NSL1: variants seen among roughly 807,000 people sequenced by gnomAD.
NSL1 encodes NSL1 component of MIS12 kinetochore complex, also known as kinetochore-associated protein NSL1 homolog.
In NSL1, 11 loss-of-function variants were observed where a neutral mutation model predicts 25.4. The observed-to-expected ratio is 0.43, with a 90% CI of 0.27 to 0.72. The LOEUF is 0.72. Ranked by LOEUF, NSL1 falls within the 30% of genes least tolerant of loss-of-function variation. The probability of loss-of-function intolerance (pLI) is 0.19; values close to 1 mark genes in which losing one functional copy is unlikely to be tolerated. For synonymous variants in NSL1, 118 were observed against 120.6 expected, an observed-to-expected ratio of 0.98 and a Z score of 0.14; for missense variants, 330 against 342.7, an observed-to-expected ratio of 0.96 and a Z score of 0.29.
At chr1:212,738,807 G>T (rs1350798256) in intron 5 of NSL1, 121 bp from the exon 6 acceptor site, 1 of 752,190 alleles carries the variant, frequency 1.3e-6, no homozygotes, top group African/African-American at 1.8e-5. Flanking sequence ...TTGTTGCCCA[G>T]GCTGGAGGGC....
intron 4 of NSL1, 130 bp downstream of exon 4, chr1:212,782,242 A>G: frequency 1.4e-6 from 1 of 731,848 alleles, no homozygotes. Flanking sequence ...GCTAAACATG[A>G]ATGACTGGTA....
At chr1:212,757,352 T>TA (rs1659363398) in intron 4 of NSL1, among the ~76,000 whole-genome samples, 1 of 152,160 alleles carries the variant, frequency 6.6e-6, no homozygotes, top group South Asian at 2.1e-4. Context: ...GATTATGCTT[T>TA]AAAAGAAATT....
rs1046083 is a variant in NSL1 at position 212,738,273 on chromosome 1, C to T, written c.*135G>A. On this transcript the variant is annotated 3_prime_UTR_variant, in exon 6 of 6. Coordinates refer to ENST00000366977, the MANE Select transcript of NSL1 (RefSeq NM_015471.4). ...TATATCATATCCCCGCACAGAGATA[C>T]TATATCTGTATAAATGAATCACTAG... 0.15 allele frequency: 221,974 copies of T among 1,432,966 alleles called. 19,343 individuals are homozygous for T. The highest frequency in any genetic ancestry group is 0.37 in the African/African-American group (26,052 of 69,480). The allele number at this position is 1,432,966 out of a possible 1,614,324, so 88.8% of individuals were successfully genotyped here.
intron 4 of NSL1, among the ~76,000 whole-genome samples, chr1:212,767,922 T>C (rs753144505): frequency 1.3e-4 from 20 of 152,066 alleles, no homozygotes; most frequent in Non-Finnish European, 2.5e-4. Context: ...CAAAAAACAA[T>C]AGATGTTGGC....
At chr1:212,755,825 G>T (rs929005629) in intron 4 of NSL1, among the ~76,000 whole-genome samples, 2 of 151,948 alleles carry the variant, frequency 1.3e-5, no homozygotes, top group African/African-American at 2.4e-5. Flanking sequence ...AAAAGCACAA[G>T]AAATACAATT....
At chr1:212,762,115 T>C (rs188939789) in intron 4 of NSL1, among the ~76,000 whole-genome samples, 2 of 151,844 alleles carry the variant, frequency 1.3e-5, no homozygotes, top group Admixed American at 1.3e-4. Flanking sequence ...CTGGACAACA[T>C]GGTGAAACCA....
At chr1:212,788,396 G>A (rs1332706213) in intron 1 of NSL1, among the ~76,000 whole-genome samples, 2 of 152,172 alleles carry the variant, frequency 1.3e-5, no homozygotes, top group East Asian at 1.9e-4. Flanking sequence ...GGGAGACAGA[G>A]GGAGAAGCAA....
At chr1:212,780,888 G>A (rs1660705959) in intron 4 of NSL1, among the ~76,000 whole-genome samples, 1 of 152,024 alleles carries the variant, frequency 6.6e-6, no homozygotes. Context: ...AGATAAGTAG[G>A]CAAGACATTC....
chr1:212,747,176 G>C (rs115950285), intron 4 of NSL1, among the ~76,000 whole-genome samples: 157 of 151,994 alleles, frequency 1.0e-3, no homozygotes, highest in African/African-American at 3.6e-3. Context: ...CCTTGTGCAG[G>C]GTATTCATGC....
intron 4 of NSL1, among the ~76,000 whole-genome samples, chr1:212,756,085 A>T (rs79768155): frequency 0.023 from 3,465 of 152,282 alleles, 62 homozygotes; most frequent in South Asian, 0.042. Context: ...AAGAGAGAGA[A>T]GAAACCAAAA....
At chr1:212,771,269 G>C (rs750788035) in intron 4 of NSL1, among the ~76,000 whole-genome samples, 1 of 152,120 alleles carries the variant, frequency 6.6e-6, no homozygotes, top group Non-Finnish European at 1.5e-5. Context: ...AGCTGAGATT[G>C]TGCCATTGGA....
At chr1:212,756,111 A>G (rs1338090700) in intron 4 of NSL1, among the ~76,000 whole-genome samples, 5 of 152,178 alleles carry the variant, frequency 3.3e-5, no homozygotes, top group Non-Finnish European at 7.3e-5. Context: ...AAGTAAAAAT[A>G]CAATGCTATC....
rs529137856 is a variant in NSL1 at position 212,774,945 on chromosome 1, A to C, written c.499+7427T>G. 5.3e-5 allele frequency among the ~76,000 whole-genome samples: 8 copies of C among 152,354 alleles called. No individual in the cohort carries two copies. The South Asian group carries it at 1.7e-3, about 32-fold the overall frequency. ...ATGTCATTGAGTAAAATGTCTGTAC[A>C]TTCTAGTGTTAACAAGTGACAAGAA... On this transcript the variant is annotated intron_variant, in intron 4 of 5. Transcript: ENST00000366977.
Position 212,737,501 on chromosome 1 carries a change from T to C in NSL1, c.*907A>G, listed in dbSNP as rs185747804. 17 of 983,128 alleles carry C rather than the reference T, an allele frequency of 1.7e-5. No homozygotes were observed. In the East Asian group the frequency reaches 1.0e-3, roughly 59 times the overall value. The allele number at this position is 983,128 out of a possible 1,614,324, so 60.9% of individuals were successfully genotyped here. On this transcript the variant is annotated 3_prime_UTR_variant, in exon 6 of 6. Transcript: ENST00000366977. ...ACACAATAAGAGCTATAAGAAACTATAGTTAAATGTTAGAAGTAAAGCCAA... is the reference window on the plus strand; with the variant it reads ...ACACAATAAGAGCTATAAGAAACTACAGTTAAATGTTAGAAGTAAAGCCAA...
intron 4 of NSL1, among the ~76,000 whole-genome samples, chr1:212,773,411 G>C (rs540827036): frequency 6.6e-6 from 1 of 152,210 alleles, no homozygotes; most frequent in East Asian, 1.9e-4. Flanking sequence ...CATGCAAATA[G>C]CCAAAAGATA....
At chr1:212,763,777 A>G (rs917813534) in intron 4 of NSL1, among the ~76,000 whole-genome samples, 20 of 152,250 alleles carry the variant, frequency 1.3e-4, no homozygotes, top group Non-Finnish European at 2.5e-4. Context: ...TCCCAGATTT[A>G]TAAAACAATT....
chr1:212,747,253 G>C (rs989145511), intron 4 of NSL1, among the ~76,000 whole-genome samples: 1 of 152,158 alleles, frequency 6.6e-6, no homozygotes, highest in Non-Finnish European at 1.5e-5. Context: ...AACAGCTCAA[G>C]TAATAGCAAA....
chr1:212,764,005 T>C, intron 4 of NSL1: 1 of 440,342 alleles, frequency 2.3e-6, no homozygotes, highest in Admixed American at 2.5e-5. Context: ...TGGAACAGTC[T>C]CCAAGATAGG....
intron 4 of NSL1, among the ~76,000 whole-genome samples, chr1:212,774,245 T>C (rs1158538836): frequency 1.3e-5 from 2 of 152,134 alleles, no homozygotes; most frequent in East Asian, 3.8e-4. Context: ...AGAGAAGATC[T>C]GAAATGTTCC....
Sources: allele counts gnomAD v4.1 joint callset (sites outside exome capture counted in the v4.1 genomes callset), GRCh38; gene constraint gnomAD v4.1.1; transcripts MANE v1.5; gene names NCBI Gene and HGNC (gene_info 2026-07-23, HGNC 2026-07-21).